HP1BP3: variants seen among roughly 807,000 people sequenced by gnomAD.
HP1BP3 encodes heterochromatin protein 1 binding protein 3.
A neutral mutation model predicts 62.5 loss-of-function variants in HP1BP3; 12 were observed. That is an observed-to-expected ratio of 0.19 (90% CI 0.12 to 0.31). The LOEUF is 0.31. Among genes scored for constraint, HP1BP3 ranks in the 10% least tolerant of loss-of-function variants. The pLI is 1.00. For synonymous variants in HP1BP3, 260 were observed against 237.8 expected (o/e 1.09, Z -0.86); for missense variants, 502 against 651.8 (o/e 0.77, Z 2.50).
rs767904462 is a variant in HP1BP3, at chr1:20,767,644, A to G, written c.675T>C (p.Ser225=). 19 of 1,608,738 alleles carry G rather than the reference A, an allele frequency of 1.2e-5. No homozygotes were observed. The highest frequency in any genetic ancestry group is 1.5e-5 in the Non-Finnish European group (18 of 1,177,544). ...VIKQVKGKGA[S]GSFVVVQKSR... is the part of the protein sequence containing the mutation. ...ATTTCTGAACCACAACAAAACTTCC[A>G]GAAGCACCTTTTCCTTTAACCTAAA... is the stretch of plus-strand genomic sequence containing the variant. Residue 225 remains serine (S), a synonymous_variant, in exon 7 of 13, where the codon TCT becomes TCC. Transcript: ENST00000438032.
At chr1:20,782,932 G>GA (rs2057639256) in intron 1 of HP1BP3, among the ~76,000 whole-genome samples, 1 of 138,622 alleles carries the variant, frequency 7.2e-6, no homozygotes, top group South Asian at 2.3e-4. Context: ...AAAAAAGAAA[G>GA]AAAAAACCCA....
In HP1BP3 at chr1:20,784,691, T is replaced by G. The variant is rs530596805; in HGVS notation, c.-101+2504A>C. Among the ~76,000 whole-genome samples, 5 of 152,234 alleles carry G rather than the reference T, an allele frequency of 3.3e-5. No individual in the cohort carries two copies. The East Asian group carries it at 9.7e-4, about 30-fold the overall frequency. ...CGGGGTTTCACCGTGTTAGCCAGGA[T>G]GGTCTCGATCTCCTGACCTCGTGAT... On this transcript the variant is annotated intron_variant, in intron 1 of 12. Transcript: ENST00000438032.
chr1:20,747,462 G>C, intron 11 of HP1BP3, 82 bp downstream of exon 11: 1 of 885,614 alleles, frequency 1.1e-6, no homozygotes, highest in African/African-American at 1.7e-5. Context: ...CACTAAAACA[G>C]TAATAAGGGT....
chr1:20,761,021 G>A (rs1319252487), intron 8 of HP1BP3, among the ~76,000 whole-genome samples: 1 of 152,052 alleles, frequency 6.6e-6, no homozygotes, highest in Non-Finnish European at 1.5e-5. Flanking sequence ...GTGATGACAA[G>A]TAGTCTGTTT....
chr1:20,744,672 C>A lies in HP1BP3; in HGVS notation c.*125G>T. 3 of 899,638 alleles carry A rather than the reference C, an allele frequency of 3.3e-6. No individual in the cohort carries two copies. Among genetic ancestry groups the A allele is most frequent in the Non-Finnish European group, 5.0e-6 (3 of 601,984 alleles). 55.7% of individuals were successfully genotyped at this position (899,638 alleles called of 1,614,324 possible). A position where few individuals can be genotyped will look rare whatever the true frequency, so the allele number is the denominator to read the frequency against. ...CTAAACTGGTTTATTTAGAGTCCCT[C>A]CCCACAATGTTCATAGGGGAGGAAA... On this transcript the variant is annotated 3_prime_UTR_variant, in exon 13 of 13. Transcript: ENST00000438032.
At chr1:20,760,311 G>A (rs1325498516) in intron 8 of HP1BP3, among the ~76,000 whole-genome samples, 2 of 152,100 alleles carry the variant, frequency 1.3e-5, no homozygotes, top group African/African-American at 2.4e-5. Context: ...GCCGAAGCAG[G>A]AGGATCACTT....
intron 10 of HP1BP3, 80 bp downstream of exon 10, chr1:20,749,643 G>C (rs1227232682): frequency 7.3e-7 from 1 of 1,368,658 alleles, no homozygotes; most frequent in Non-Finnish European, 1.0e-6. Context: ...ACAGGCGTGA[G>C]CCACAGTGCC....
rs750771794 is a variant in HP1BP3, at chr1:20,771,037, T to C, written c.547A>G (p.Ile183Val). The C allele has an allele frequency of 6.2e-7, 1 of 1,610,272 alleles. No individual in the cohort carries two copies. Among genetic ancestry groups the C allele is most frequent in the South Asian group, 1.1e-5 (1 of 89,908 alleles). The change falls in exon 6 of 13, where the codon ATT becomes GTT. Residue 183 changes from isoleucine (I) to valine (V), a missense_variant. Coordinates refer to ENST00000438032, the MANE Select transcript of HP1BP3 (RefSeq NM_001372052.1). ...FQKSGASVVA[I>V]RKYIIHKYPS... ...TACTTATGGATGATGTATTTTCGAA[T>C]AGCAACCACTGATGCACCACTCTTC...
intron 11 of HP1BP3, among the ~76,000 whole-genome samples, chr1:20,745,922 ATTAC>A (rs1570533399): frequency 6.6e-6 from 1 of 152,332 alleles, no homozygotes; most frequent in Admixed American, 6.5e-5. Flanking sequence ...TTAGTAAACA[ATTAC>A]TTAAACTCCT....
intron 9 of HP1BP3, 65 bp from the exon 10 acceptor site, chr1:20,749,947 ACTC>A: frequency 6.4e-7 from 1 of 1,554,722 alleles, no homozygotes; most frequent in Non-Finnish European, 8.7e-7. Context: ...TCAAGACAAG[ACTC>A]CTCTGCACCA....
At chr1:20,763,067 CTGGTT>C (rs1247475028) in intron 8 of HP1BP3, among the ~76,000 whole-genome samples, 3 of 151,958 alleles carry the variant, frequency 2.0e-5, no homozygotes, top group African/African-American at 7.3e-5. Flanking sequence ...AGTGTGAGAT[CTGGTT>C]AAGAGTGTGG....
At chr1:20,771,675 C>T (rs998241838) in intron 5 of HP1BP3, among the ~76,000 whole-genome samples, 1 of 152,156 alleles carries the variant, frequency 6.6e-6, no homozygotes, top group East Asian at 1.9e-4. Context: ...GACTAATGCA[C>T]CTGGAAGAAT....
intron 11 of HP1BP3, among the ~76,000 whole-genome samples, chr1:20,746,184 ATATGTGTG>A (rs1216478371): frequency 3.1e-5 from 2 of 63,584 alleles, no homozygotes; most frequent in African/African-American, 1.5e-4. Flanking sequence ...ATACATACAT[ATATGTGTG>A]TGTGTGTGTG....
Position 20,776,874 on chromosome 1 carries a change from T to C in HP1BP3, c.197-124A>G. ...TCCAATTAACAAATGAATTCTAAAA[T>C]GAAAATGAATGACCACTAATGCAGT... On this transcript the variant is annotated intron_variant, in intron 3 of 12. Coordinates refer to ENST00000438032, the MANE Select transcript of HP1BP3 (RefSeq NM_001372052.1). The C allele has an allele frequency of 4.1e-6, 3 of 724,884 alleles. No individual in the cohort carries two copies. The South Asian group carries it at 9.5e-5, about 23-fold the overall frequency. 44.9% of individuals were successfully genotyped at this position (724,884 alleles called of 1,614,324 possible).
chr1:20,777,813 A>C (rs2057371279), intron 3 of HP1BP3, among the ~76,000 whole-genome samples: 1 of 152,212 alleles, frequency 6.6e-6, no homozygotes, highest in Non-Finnish European at 1.5e-5. Context: ...CATAAGTACA[A>C]TTCTAACACT....
In HP1BP3 at chr1:20,742,505, A is replaced by G. The variant is rs2055110455; in HGVS notation, c.*2292T>C. 1.3e-5 allele frequency among the ~76,000 whole-genome samples: 2 copies of G among 152,196 alleles called. No homozygotes were observed. Among genetic ancestry groups the G allele is most frequent in the South Asian group, 4.1e-4 (2 of 4,834 alleles). ...TAATTAGCATTCAATGTATCTGGAA[A>G]CATCGTTTACCCTCTATAAGAATTC... On this transcript the variant is annotated 3_prime_UTR_variant, in exon 13 of 13. Coordinates refer to ENST00000438032, the MANE Select transcript of HP1BP3 (RefSeq NM_001372052.1).
chr1:20,767,137 G>A (rs2056825847), intron 7 of HP1BP3, among the ~76,000 whole-genome samples: 1 of 152,036 alleles, frequency 6.6e-6, no homozygotes, highest in Non-Finnish European at 1.5e-5. Context: ...GGCCAACACG[G>A]TAAAACCCTG....
intron 3 of HP1BP3, among the ~76,000 whole-genome samples, chr1:20,778,430 GGTTGA>G (rs762340561): frequency 6.6e-6 from 1 of 152,142 alleles, no homozygotes; most frequent in Admixed American, 6.5e-5. Context: ...ATAAACTTCT[GGTTGA>G]GTTTTCTAAT....
intron 8 of HP1BP3, among the ~76,000 whole-genome samples, chr1:20,761,082 T>C (rs947138557): frequency 6.6e-6 from 1 of 152,124 alleles, no homozygotes; most frequent in African/African-American, 2.4e-5. Flanking sequence ...CCTCACTCTG[T>C]CGCCCAGGCT....
Sources: allele counts gnomAD v4.1 joint callset (sites outside exome capture counted in the v4.1 genomes callset), GRCh38; gene constraint gnomAD v4.1.1; transcripts MANE v1.5; gene names NCBI Gene and HGNC (gene_info 2026-07-23, HGNC 2026-07-21).